The following EIF4E3 variants were observed in gnomAD, a reference collection of about 807,000 sequenced individuals.
EIF4E3 encodes eukaryotic translation initiation factor 4E type 3.
EIF4E3 carries 26 observed loss-of-function variants against 31.7 expected under a neutral mutation model. That is an observed-to-expected ratio of 0.82 (90% CI 0.60 to 1.14). EIF4E3 has a LOEUF of 1.14. Ranked by LOEUF, EIF4E3 falls within the 50% of genes most tolerant of loss-of-function variation. The probability of loss-of-function intolerance (pLI) is 0.00; values close to 1 mark genes in which losing one functional copy is unlikely to be tolerated. For missense variants in EIF4E3, 304 were observed against 270.9 expected, an observed-to-expected ratio of 1.12 and a Z score of -0.86; for synonymous variants, 128 against 107.7, an observed-to-expected ratio of 1.19 and a Z score of -1.17.
intron 1 of EIF4E3, among the ~76,000 whole-genome samples, chr3:71,745,497 A>C (rs1440062342): frequency 6.6e-6 from 1 of 152,110 alleles, no homozygotes; most frequent in Non-Finnish European, 1.5e-5. Flanking sequence ...GCCACCATAT[A>C]AAGTATATTC....
At position 71,675,549 on chromosome 3, in the gene EIF4E3, T is replaced by A. The variant is rs1488643937; in HGVS notation, c.*9133A>T. ...TCGCAAAGAAGCAGGTTAGAAAACA[T>A]GCATTTTTTCCACATAATATATGGA... On this transcript the variant is annotated 3_prime_UTR_variant, in exon 7 of 7. Coordinates refer to ENST00000425534, the MANE Select transcript of EIF4E3 (RefSeq NM_001134651.2). 1.3e-5 allele frequency: 2 copies of A among 152,242 alleles called. No homozygotes were observed. Among genetic ancestry groups the A allele is most frequent in the Non-Finnish European group, 2.9e-5 (2 of 68,042 alleles). 9.4% of individuals were successfully genotyped at this position (152,242 alleles called of 1,614,324 possible). A position where few individuals can be genotyped will look rare whatever the true frequency, so the allele number is the denominator to read the frequency against.
chr3:71,689,891 A>T, intron 6 of EIF4E3, 119 bp downstream of exon 6: 1 of 993,500 alleles, frequency 1.0e-6, no homozygotes. Flanking sequence ...TTGTTGAATT[A>T]TTTTCTGAAT....
At chr3:71,692,593 G>T (rs2049077625) in intron 5 of EIF4E3, among the ~76,000 whole-genome samples, 1 of 139,986 alleles carries the variant, frequency 7.1e-6, no homozygotes, top group Admixed American at 7.7e-5. Flanking sequence ...CTTAACCCAG[G>T]TCTTCTTTTT....
intron 1 of EIF4E3, among the ~76,000 whole-genome samples, chr3:71,747,100 G>A (rs1318108190): frequency 1.3e-5 from 2 of 152,140 alleles, no homozygotes; most frequent in Admixed American, 1.3e-4. Context: ...ATTTACATGT[G>A]GGCTTTCATG....
rs535064134 is a variant in EIF4E3, at chr3:71,707,681, C to G, written c.249+2731G>C. Reference sequence around the variant, plus strand: ...TGACGAAATTTTAATACCACAGAGACACCGTATGTTTATGGACTGCATGGA... The same window carrying G: ...TGACGAAATTTTAATACCACAGAGAGACCGTATGTTTATGGACTGCATGGA... On this transcript the variant is annotated intron_variant, in intron 2 of 6. Coordinates refer to ENST00000425534, the MANE Select transcript of EIF4E3 (RefSeq NM_001134651.2). 8.5e-5 allele frequency among the ~76,000 whole-genome samples: 13 copies of G among 152,078 alleles called. No individual in the cohort carries two copies. In the South Asian group the frequency reaches 2.7e-3, roughly 32 times the overall value.
At chr3:71,694,141 C>G (rs917108116) in intron 4 of EIF4E3, among the ~76,000 whole-genome samples, 200 bp from the exon 5 acceptor site, 9 of 152,182 alleles carry the variant, frequency 5.9e-5, no homozygotes, top group African/African-American at 1.9e-4. Context: ...TTACAAATAA[C>G]TTTACACAGA....
the EIF4E3 span, among the ~76,000 whole-genome samples, chr3:71,664,251 C>T: frequency 2.6e-5 from 4 of 152,166 alleles, no homozygotes; most frequent in Non-Finnish European, 5.9e-5. Context: ...AAAACCAGGG[C>T]AGAATCATCA....
intron 3 of EIF4E3, among the ~76,000 whole-genome samples, chr3:71,699,294 G>A (rs2049181810): frequency 6.6e-6 from 1 of 152,118 alleles, no homozygotes; most frequent in Admixed American, 6.5e-5. Flanking sequence ...TTAGGTTTCT[G>A]TCATTTGCTA....
intron 1 of EIF4E3, among the ~76,000 whole-genome samples, chr3:71,713,698 A>G (rs1559602186): frequency 6.6e-6 from 1 of 152,286 alleles, no homozygotes; most frequent in South Asian, 2.1e-4. Context: ...TAGCCTCCCA[A>G]AGTACTGGTA....
chr3:71,667,164 C>T, the EIF4E3 span, among the ~76,000 whole-genome samples: 1 of 152,176 alleles, frequency 6.6e-6, no homozygotes, highest in Non-Finnish European at 1.5e-5. Flanking sequence ...ACATGATTAT[C>T]TCAATAGATG....
chr3:71,669,584 A>G, the EIF4E3 span, among the ~76,000 whole-genome samples: 1 of 152,138 alleles, frequency 6.6e-6, no homozygotes, highest in Non-Finnish European at 1.5e-5. Flanking sequence ...GATTTGTTAG[A>G]AGGGGGGTAT....
chr3:71,697,114 C>T (rs1486554823), intron 3 of EIF4E3, among the ~76,000 whole-genome samples: 6 of 152,124 alleles, frequency 3.9e-5, no homozygotes, highest in Non-Finnish European at 8.8e-5. Flanking sequence ...CTCCTGGGCT[C>T]AAGCAATCCT....
At chr3:71,716,164 CA>C (rs532912633) in intron 1 of EIF4E3, among the ~76,000 whole-genome samples, 1 of 150,742 alleles carries the variant, frequency 6.6e-6, no homozygotes, top group Non-Finnish European at 1.5e-5. Context: ...GAATCCCTGG[CA>C]AAAAAAATAC....
At chr3:71,694,529 C>G (rs796266054) in intron 4 of EIF4E3, among the ~76,000 whole-genome samples, 1 of 151,610 alleles carries the variant, frequency 6.6e-6, no homozygotes, top group South Asian at 2.1e-4. Context: ...TCAGTGCACG[C>G]TCCGGTCTGC....
intron 3 of EIF4E3, among the ~76,000 whole-genome samples, chr3:71,698,200 C>T (rs1390191478): frequency 6.6e-6 from 1 of 152,108 alleles, no homozygotes; most frequent in Non-Finnish European, 1.5e-5. Flanking sequence ...AAGGAGCTAG[C>T]GATTGAGAGG....
chr3:71,737,139 C>T (rs1470318611), intron 1 of EIF4E3, among the ~76,000 whole-genome samples: 1 of 152,146 alleles, frequency 6.6e-6, no homozygotes, highest in Admixed American at 6.6e-5. Context: ...AATAACATTC[C>T]CATCATCACC....
intron 1 of EIF4E3, among the ~76,000 whole-genome samples, chr3:71,736,548 C>A (rs2108143698): frequency 6.6e-6 from 1 of 152,304 alleles, no homozygotes; most frequent in East Asian, 1.9e-4. Flanking sequence ...AGAAGCCAAT[C>A]TGAAAAGCCA....
downstream of EIF4E3, among the ~76,000 whole-genome samples, chr3:71,674,090 CTTTTTTTTTTT>C (rs71277509): frequency 4.8e-4 from 12 of 25,066 alleles, no homozygotes; most frequent in Non-Finnish European, 8.4e-4. Context: ...ATCAACTGTA[CTTTTTTTTTTT>C]TTTTTTTTTT....
At chr3:71,718,167 GA>G (rs1442373350) in intron 1 of EIF4E3, among the ~76,000 whole-genome samples, 14 of 152,178 alleles carry the variant, frequency 9.2e-5, no homozygotes, top group Admixed American at 9.2e-4. Context: ...CTGTCAGAGG[GA>G]AAATTTGTAC....
Sources: gnomAD v4.1 joint callset for allele counts (sites outside exome capture counted in the v4.1 genomes callset) on GRCh38, gnomAD v4.1.1 for gene constraint, MANE v1.5 for transcripts, NCBI Gene and HGNC (gene_info 2026-07-23, HGNC 2026-07-21) for gene names.